The following ZFAT variants were observed in gnomAD, a reference collection of about 807,000 sequenced individuals.
ZFAT encodes zinc finger protein ZFAT.
A neutral mutation model predicts 117.7 loss-of-function variants in ZFAT; 64 were observed. The ratio of observed to expected loss-of-function variants is 0.54; its 90% confidence interval spans 0.44 to 0.67. ZFAT has a LOEUF of 0.67. Among genes scored for constraint, ZFAT ranks in the 30% least tolerant of loss-of-function variants. ZFAT has a pLI of 0.00. For synonymous variants in ZFAT, 679 were observed against 615.0 expected (o/e 1.10, Z -1.54); for missense variants, 1,433 against 1,584.5 (o/e 0.90, Z 1.62).
Position 134,630,984 on chromosome 8 carries a change from G to A in ZFAT, c.448+6477C>T, listed in dbSNP as rs549665865. ...TTGTGCTTGGCAAACTAGAGAACAC[G>A]GTGCAATCACATGGATGCCAGCCAC... On this transcript the variant is annotated intron_variant, in intron 3 of 15. Transcript: ENST00000377838. 1.8e-3 allele frequency among the ~76,000 whole-genome samples: 267 copies of A among 152,262 alleles called. 2 individuals are homozygous for A. Among genetic ancestry groups the A allele is most frequent in the Middle Eastern group, 0.01 (3 of 294 alleles).
At chr8:134,774,251 C>T in the ZFAT span, among the ~76,000 whole-genome samples, 3 of 152,066 alleles carry the variant, frequency 2.0e-5, no homozygotes, top group African/African-American at 7.2e-5. Context: ...CCTGCATCGG[C>T]CTCCCAAAAT....
the ZFAT span, among the ~76,000 whole-genome samples, chr8:134,770,306 G>A: frequency 1.4e-4 from 21 of 152,216 alleles, no homozygotes; most frequent in African/African-American, 4.6e-4. Flanking sequence ...ACCGGCTGAA[G>A]CCATGGCAGA....
chr8:134,679,617 A>G (rs1050179720), intron 1 of ZFAT, among the ~76,000 whole-genome samples: 1 of 152,200 alleles, frequency 6.6e-6, no homozygotes, highest in Non-Finnish European at 1.5e-5. Context: ...AAAACATTCT[A>G]CTATAAAGAC....
chr8:134,488,737 C>G (rs1817827791), intron 15 of ZFAT, among the ~76,000 whole-genome samples: 1 of 151,196 alleles, frequency 6.6e-6, no homozygotes, highest in African/African-American at 2.4e-5. Context: ...CCTGGGTTGT[C>G]AGGGTCGGGG....
intron 3 of ZFAT, among the ~76,000 whole-genome samples, chr8:134,620,258 G>A (rs939671430): frequency 6.6e-6 from 1 of 152,228 alleles, no homozygotes; most frequent in Non-Finnish European, 1.5e-5. Flanking sequence ...GCTAAAGGCT[G>A]AGGTAGACGA....
At chr8:134,779,565 T>C in the ZFAT span, among the ~76,000 whole-genome samples, 1 of 152,214 alleles carries the variant, frequency 6.6e-6, no homozygotes, top group Non-Finnish European at 1.5e-5. Flanking sequence ...GAGTGTCTTA[T>C]ATCCTAAGTG....
chr8:134,665,757 G>C (rs111790585), intron 1 of ZFAT, among the ~76,000 whole-genome samples: 1 of 152,230 alleles, frequency 6.6e-6, no homozygotes, highest in East Asian at 1.9e-4. Flanking sequence ...GAGATGGACA[G>C]GAGAAGGGGG....
At chr8:134,640,291 G>C (rs1830504485) in intron 2 of ZFAT, among the ~76,000 whole-genome samples, 1 of 152,212 alleles carries the variant, frequency 6.6e-6, no homozygotes, top group South Asian at 2.1e-4. Context: ...GGTGGTCCAG[G>C]AGACCCTCCA....
chr8:134,659,129 A>C (rs900804401), intron 1 of ZFAT, among the ~76,000 whole-genome samples: 3 of 152,200 alleles, frequency 2.0e-5, no homozygotes, highest in Non-Finnish European at 4.4e-5. Context: ...TGCTGGACAA[A>C]TACATGGCAA....
chr8:134,713,159 G>T (rs950121421), upstream of ZFAT: 8 of 323,534 alleles, frequency 2.5e-5, no homozygotes, highest in African/African-American at 1.5e-4. Flanking sequence ...GCAGTCGGAG[G>T]CCGTGCTTTT....
At chr8:134,823,827 T>A in the ZFAT span, among the ~76,000 whole-genome samples, 1,008 of 152,318 alleles carry the variant, frequency 6.6e-3, 4 homozygotes, top group Non-Finnish European at 0.011. Flanking sequence ...TAATATAATT[T>A]AAAAAAATAT....
chr8:134,634,541 T>C (rs1304345691), intron 3 of ZFAT, among the ~76,000 whole-genome samples: 2 of 152,146 alleles, frequency 1.3e-5, no homozygotes, highest in Non-Finnish European at 2.9e-5. Flanking sequence ...TCTAGGAATT[T>C]ATCCTACAAA....
At position 134,590,445 on chromosome 8, in the gene ZFAT, C is replaced by A. The variant is rs1010215732; in HGVS notation, c.2476-90G>T. ...CCATCATCATCACCATCATCACCCACCACCACCACCACTACCACTCACGCT... is the reference window on the plus strand; with the variant it reads ...CCATCATCATCACCATCATCACCCAACACCACCACCACTACCACTCACGCT... On this transcript the variant is annotated intron_variant, in intron 7 of 15. Coordinates refer to ENST00000377838, the MANE Select transcript of ZFAT (RefSeq NM_020863.4). 6.6e-6 allele frequency: 6 copies of A among 910,394 alleles called. 1 individual carries two copies. Among genetic ancestry groups the A allele is most frequent in the South Asian group, 3.0e-5 (2 of 65,760 alleles). 56.4% of individuals were successfully genotyped at this position (910,394 alleles called of 1,614,324 possible).
intron 1 of ZFAT, 31 bp from the exon 2 acceptor site, chr8:134,657,768 T>G (rs1276476471): frequency 1.9e-6 from 3 of 1,602,650 alleles, no homozygotes; most frequent in Non-Finnish European, 2.6e-6. Flanking sequence ...AATATGTTAT[T>G]TCATCTCCAC....
intron 1 of ZFAT, among the ~76,000 whole-genome samples, chr8:134,667,141 G>T (rs557901313): frequency 1.1e-4 from 16 of 152,188 alleles, no homozygotes; most frequent in African/African-American, 3.9e-4. Flanking sequence ...TCAGGGGCTG[G>T]GAGGAAAGGG....
the ZFAT span, among the ~76,000 whole-genome samples, chr8:134,770,812 C>A: frequency 2.1e-3 from 326 of 152,256 alleles, no homozygotes; most frequent in African/African-American, 7.6e-3. Flanking sequence ...CTAAACTGGG[C>A]CCCCTGGGCG....
chr8:134,621,447 T>C (rs1328174553), intron 3 of ZFAT, among the ~76,000 whole-genome samples: 2 of 152,212 alleles, frequency 1.3e-5, no homozygotes, highest in African/African-American at 4.8e-5. Flanking sequence ...TACTATTATG[T>C]ACATGGCATG....
chr8:134,726,809 A>AT, the ZFAT span, among the ~76,000 whole-genome samples: 1 of 151,696 alleles, frequency 6.6e-6, no homozygotes, highest in Non-Finnish European at 1.5e-5. Context: ...GGATTTTGCC[A>AT]TTTTGCCCAG....
chr8:134,648,446 T>G (rs1554614064), intron 2 of ZFAT, among the ~76,000 whole-genome samples: 1 of 152,046 alleles, frequency 6.6e-6, no homozygotes, highest in Non-Finnish European at 1.5e-5. Flanking sequence ...TAGCAAGACC[T>G]AATTTGTTAA....
Sources: allele counts gnomAD v4.1 joint callset (sites outside exome capture counted in the v4.1 genomes callset), GRCh38; gene constraint gnomAD v4.1.1; transcripts MANE v1.5; gene names NCBI Gene and HGNC (gene_info 2026-07-23, HGNC 2026-07-21).